The following LRRC45 variants were observed in gnomAD, a reference collection of about 807,000 sequenced individuals.
LRRC45 encodes leucine-rich repeat-containing protein 45.
A neutral mutation model predicts 85.4 loss-of-function variants in LRRC45; 73 were observed. That is an observed-to-expected ratio of 0.85 (90% CI 0.71 to 1.04). LRRC45 has a LOEUF of 1.04. LRRC45 is among the 50% of genes least tolerant of loss of function. The pLI is 0.00. For missense variants in LRRC45, 937 were observed against 883.3 expected, an observed-to-expected ratio of 1.06 and a Z score of -0.77; for synonymous variants, 429 against 386.0, an observed-to-expected ratio of 1.11 and a Z score of -1.31.
At chr17:82,027,105 C>A (rs1319047478) in intron 6 of LRRC45, 94 bp downstream of exon 6, 4 of 1,152,038 alleles carry the variant, frequency 3.5e-6, no homozygotes, top group South Asian at 1.3e-5. Context: ...TGCCCATCTT[C>A]CCTTCCTCGG....
chr17:82,023,474 G>T lies in LRRC45; in HGVS notation c.-170G>T, dbSNP rs990273534. 5.0e-6 allele frequency: 3 copies of T among 603,794 alleles called. No individual in the cohort carries two copies. The highest frequency in any genetic ancestry group is 8.5e-6 in the Non-Finnish European group (3 of 354,052). 37.4% of individuals were successfully genotyped at this position (603,794 alleles called of 1,614,324 possible). ...CAAAGCGGACCTTGACTACCGCCCA[G>T]CCCCGCGCTCCCAGGACCTCCCGCC... On this transcript the variant is annotated 5_prime_UTR_variant, in exon 1 of 17. Transcript: ENST00000306688.
In LRRC45 at chr17:82,026,886, G is replaced by GC. The variant is rs1568014703; in HGVS notation, c.662-12dup. The GC allele has an allele frequency of 6.3e-7, 1 of 1,591,902 alleles. No individual in the cohort carries two copies. The highest frequency in any genetic ancestry group is 1.8e-5 in the Admixed American group (1 of 56,864). On this transcript the variant is annotated splice_polypyrimidine_tract_variant and intron_variant, in intron 5 of 16. Transcript: ENST00000306688. ...TGAGCCCCTGTGCCCAGCTGACACA[G>GC]CTCCTTCTGCAGAGCAAGCCATGGG...
chr17:82,028,556 G>T lies in LRRC45; in HGVS notation c.1237+48G>T, dbSNP rs117356439. The T allele has an allele frequency of 8.7e-6, 14 of 1,611,816 alleles. No homozygotes were observed. In the East Asian group the frequency reaches 2.9e-4, roughly 33 times the overall value. On this transcript the variant is annotated intron_variant, in intron 11 of 16. Coordinates refer to ENST00000306688, the MANE Select transcript of LRRC45 (RefSeq NM_144999.4). Reference sequence around the variant, plus strand: ...TGGAGGGGCCTGGGGATGGGCACCGGGGGACGGGGGCCCCCAGGGGATGCT... The same window carrying T: ...TGGAGGGGCCTGGGGATGGGCACCGTGGGACGGGGGCCCCCAGGGGATGCT...
chr17:82,030,628 A>T lies in LRRC45; in HGVS notation c.1836A>T (p.Arg612=). Residue 612 remains arginine (R), a synonymous_variant, in exon 17 of 17, where the codon CGA becomes CGT. Coordinates refer to ENST00000306688, the MANE Select transcript of LRRC45 (RefSeq NM_144999.4). The stretch of plus-strand genomic sequence containing the variant: ...CTGCAGTGATGGCGAGCGACCACCG[A>T]GAGGCGCTGCTGGACAGGGAGAGCG... ...RQLKVMASDH[R]EALLDRESEN... 7.1e-7 allele frequency: 1 copy of T among 1,404,546 alleles called. No individual in the cohort carries two copies. 87.0% of individuals were successfully genotyped at this position (1,404,546 alleles called of 1,614,324 possible).
At chr17:82,029,363 A>C (rs749559374) in intron 13 of LRRC45, 178 bp downstream of exon 13, 8 of 895,678 alleles carry the variant, frequency 8.9e-6, no homozygotes, top group Non-Finnish European at 1.2e-5. Context: ...CTTAGGTGGC[A>C]TTCGGACTTC....
In LRRC45 at chr17:82,030,234, A is replaced by G; in HGVS notation, c.1664A>G (p.Gln555Arg). The change falls in exon 15 of 17, where the codon CAG becomes CGG. Residue 555 changes from glutamine to arginine, a missense_variant. Physicochemically the swap from Gln to Arg is conservative, Grantham distance 43. Coordinates refer to ENST00000306688, the MANE Select transcript of LRRC45 (RefSeq NM_144999.4). ...EGLRRRLEEL[Q>R]QELSLKDQER... Reference sequence around the variant, plus strand: ...CTGCGGCGGCGCCTGGAAGAGCTGCAGCAGGTAGGCGGGGCTCCGGTGGGG... The same window carrying G: ...CTGCGGCGGCGCCTGGAAGAGCTGCGGCAGGTAGGCGGGGCTCCGGTGGGG... 6.5e-7 allele frequency: 1 copy of G among 1,534,954 alleles called. No individual in the cohort carries two copies. The highest frequency in any genetic ancestry group is 8.8e-7 in the Non-Finnish European group (1 of 1,136,848).
chr17:82,025,542 C>A, intron 5 of LRRC45, 35 bp downstream of exon 5: 1 of 1,498,948 alleles, frequency 6.7e-7, no homozygotes, highest in Non-Finnish European at 8.9e-7. Context: ...GACGCGTGAG[C>A]CTTTGACAGA....
At position 82,030,232 on chromosome 17, in the gene LRRC45, G is replaced by C; in HGVS notation, c.1662G>C (p.Leu554=). 6.5e-7 allele frequency: 1 copy of C among 1,534,868 alleles called. No homozygotes were observed. Residue 554 remains leucine (L), a synonymous_variant, in exon 15 of 17, where the codon CTG becomes CTC. Transcript: ENST00000306688. The part of the protein sequence containing the change: ...VEGLRRRLEE[L]QQELSLKDQE... The stretch of plus-strand genomic sequence containing the variant: ...GCCTGCGGCGGCGCCTGGAAGAGCT[G>C]CAGCAGGTAGGCGGGGCTCCGGTGG...
chr17:82,023,963 G>A, intron 1 of LRRC45, 100 bp downstream of exon 1: 5 of 1,194,076 alleles, frequency 4.2e-6, no homozygotes, highest in Non-Finnish European at 5.8e-6. Flanking sequence ...TCCAATTTCT[G>A]TGCCGTAGTT....
At position 82,025,144 on chromosome 17, in the gene LRRC45, A is replaced by C; in HGVS notation, c.498A>C (p.Leu166=). The part of the protein sequence containing the change: ...ISHKGAEELA[L]ALKGNTTLQQ... ...ACAAGGGCGCGGAGGAGCTGGCCCT[A>C]GCCCTGAAGGGCAACACCACCCTCC... is the stretch of plus-strand genomic sequence containing the variant. The change falls in exon 4 of 17, where the codon CTA becomes CTC. Residue 166 remains leucine, a synonymous_variant. Transcript: ENST00000306688. The C allele has an allele frequency of 1.2e-6, 2 of 1,607,910 alleles. No individual in the cohort carries two copies. The highest frequency in any genetic ancestry group is 3.4e-5 in the Admixed American group (2 of 59,578).
Position 82,023,801 on chromosome 17 carries a change from T to C in LRRC45, c.158T>C (p.Leu53Pro). 2 of 1,570,620 alleles carry C rather than the reference T, an allele frequency of 1.3e-6. No individual in the cohort carries two copies. The highest frequency in any genetic ancestry group is 2.1e-4 in the Middle Eastern group (1 of 4,754). Residue 53 changes from leucine (L) to proline (P), a missense_variant, in exon 1 of 17, where the codon CTG becomes CCG. Leu to Pro is a moderately conservative substitution (Grantham distance 98). Transcript: ENST00000306688. ...GAGACCTGCAGGGCCCTGGGCAAGC[T>C]GCTGCCGAGGGAGACGCTGTGCACG... ...TVETCRALGK[L>P]LPRETLCTEL... is the part of the protein sequence containing the mutation.
intron 5 of LRRC45, among the ~76,000 whole-genome samples, chr17:82,026,487 C>T (rs1344179420): frequency 6.6e-6 from 1 of 152,104 alleles, no homozygotes; most frequent in Non-Finnish European, 1.5e-5. Flanking sequence ...GATTCCCAAG[C>T]AGCCAGCCGC....
rs2043416020 is a variant in LRRC45 at position 82,030,926 on chromosome 17, T to C, written c.*121T>C. 6.7e-6 allele frequency: 5 copies of C among 744,750 alleles called. No homozygotes were observed. The highest frequency in any genetic ancestry group is 9.3e-6 in the Non-Finnish European group (5 of 535,044). The allele number at this position is 744,750 out of a possible 1,614,324, so 46.1% of individuals were successfully genotyped here. ...CCGGGTCGTCTGTTCCACGCGGCGG[T>C]TGCGGCGACTGTTGGTGGTGTCGCG... On this transcript the variant is annotated 3_prime_UTR_variant, in exon 17 of 17. Coordinates refer to ENST00000306688, the MANE Select transcript of LRRC45 (RefSeq NM_144999.4).
chr17:82,024,575 G>A (rs1568013378), intron 2 of LRRC45, 118 bp from the exon 3 acceptor site: 5 of 1,229,588 alleles, frequency 4.1e-6, no homozygotes, highest in Non-Finnish European at 5.7e-6. Flanking sequence ...AGGAGCTGAG[G>A]AAGGCTGCAG....
At position 82,031,074 on chromosome 17, in the gene LRRC45, T is replaced by C; in HGVS notation, c.*269T>C. The C allele has an allele frequency of 2.6e-6, 1 of 379,236 alleles. No individual in the cohort carries two copies. The allele number at this position is 379,236 out of a possible 1,614,324, so 23.5% of individuals were successfully genotyped here. A position where few individuals can be genotyped will look rare whatever the true frequency, so the allele number is the denominator to read the frequency against. On this transcript the variant is annotated 3_prime_UTR_variant, in exon 17 of 17. Coordinates refer to ENST00000306688, the MANE Select transcript of LRRC45 (RefSeq NM_144999.4). ...CGCGGGCGCGTCTCCCCCTCGCCTT[T>C]TGCGATGTCACCGTGAACGCTGCGG...
intron 4 of LRRC45, 60 bp downstream of exon 4, chr17:82,025,238 G>T: frequency 1.3e-6 from 2 of 1,539,930 alleles, no homozygotes; most frequent in Non-Finnish European, 1.8e-6. Flanking sequence ...TCTGCTCTGG[G>T]AAGTGAGGGG....
chr17:82,029,802 G>A (rs1197496120), intron 14 of LRRC45, among the ~76,000 whole-genome samples, 167 bp downstream of exon 14: 5 of 152,258 alleles, frequency 3.3e-5, no homozygotes, highest in Non-Finnish European at 5.9e-5. Context: ...TTGGATCAGG[G>A]CCTGAGACGG....
In LRRC45 at chr17:82,028,015, C is replaced by T; in HGVS notation, c.916C>T (p.Gln306Ter). ...TGCTGCCCCTCCTTTCTGCAGGCTG[C>T]AGATGACAGAGGCCGCCCTGGCTCT... ...SIINALKAKL[Q>*]MTEAALALSE... Residue 306 changes from glutamine to a stop codon, truncating the protein, a stop_gained, in exon 9 of 17, where the codon CAG (glutamine) becomes TAG (stop). Transcript: ENST00000306688. LOFTEE classifies it high-confidence loss of function. The T allele has an allele frequency of 6.2e-7, 1 of 1,601,712 alleles. No individual in the cohort carries two copies.
At chr17:82,024,623 C>T in intron 2 of LRRC45, 70 bp from the exon 3 acceptor site, 1 of 1,510,688 alleles carries the variant, frequency 6.6e-7, no homozygotes. Context: ...GACCAAGGCC[C>T]TTGGGGCATG....
Sources: allele counts gnomAD v4.1 joint callset (sites outside exome capture counted in the v4.1 genomes callset), GRCh38; gene constraint gnomAD v4.1.1; transcripts MANE v1.5; gene names NCBI Gene and HGNC (gene_info 2026-07-23, HGNC 2026-07-21).